AGBL1: variants seen among roughly 807,000 people sequenced by gnomAD.
AGBL1 encodes the protein cytosolic carboxypeptidase 4.
A neutral mutation model predicts 118.9 loss-of-function variants in AGBL1; 130 were observed. The ratio of observed to expected loss-of-function variants is 1.09; its 90% confidence interval spans 0.95 to 1.26. The LOEUF is 1.26. Ranked by LOEUF, AGBL1 falls within the 50% of genes most tolerant of loss-of-function variation. AGBL1 has a pLI of 0.00. For synonymous variants in AGBL1, 555 were observed against 478.9 expected, an observed-to-expected ratio of 1.16 and a Z score of -2.08; for missense variants, 1,584 against 1,298.1, an observed-to-expected ratio of 1.22 and a Z score of -3.38.
chr15:86,335,513 G>A (rs1230112228), intron 17 of AGBL1, among the ~76,000 whole-genome samples: 1 of 152,134 alleles, frequency 6.6e-6, no homozygotes, highest in Admixed American at 6.5e-5. Flanking sequence ...TAAATATATT[G>A]GCTAATAATT....
intron 23 of AGBL1, among the ~76,000 whole-genome samples, chr15:86,933,960 G>T (rs528592472): frequency 6.6e-6 from 1 of 152,108 alleles, no homozygotes; most frequent in Admixed American, 6.5e-5. Flanking sequence ...CAATTCTTCC[G>T]TCTAAAAATT....
In AGBL1 at chr15:86,999,453, T is replaced by C. The variant is rs531024782; in HGVS notation, c.3323+11365T>C. On this transcript the variant is annotated intron_variant, in intron 24 of 24. Transcript: ENST00000441037. The stretch of plus-strand genomic sequence containing the variant: ...GATCTCACTGTTCAGTTCCCACCTA[T>C]GAGTGAGAATATGCGGTGTTTGGTT... Among the ~76,000 whole-genome samples, 20 of 147,262 alleles carry C rather than the reference T, an allele frequency of 1.4e-4. No homozygotes were observed. In the South Asian group the frequency reaches 3.2e-3, roughly 24 times the overall value.
chr15:86,751,009 G>T lies in AGBL1; in HGVS notation c.3158+76573G>T, dbSNP rs559313971. Among the ~76,000 whole-genome samples, 153 of 152,148 alleles carry T rather than the reference G, an allele frequency of 1.0e-3. 1 individual carries two copies. Among genetic ancestry groups the T allele is most frequent in the African/African-American group, 3.6e-3 (150 of 41,526 alleles). ...GGCTGCATAGCATTCCATGGTGTAT[G>T]TGTACCACATTTTTTAAATACAGTC... is the stretch of plus-strand genomic sequence containing the variant. On this transcript the variant is annotated intron_variant, in intron 22 of 22. Coordinates refer to ENST00000614907, the MANE Select transcript of AGBL1 (RefSeq NM_001386094.1).
At chr15:86,319,254 G>C (rs1453125452) in intron 17 of AGBL1, among the ~76,000 whole-genome samples, 1 of 152,064 alleles carries the variant, frequency 6.6e-6, no homozygotes, top group Non-Finnish European at 1.5e-5. Context: ...ATACTGCACT[G>C]GTTTCTGAAG....
At chr15:87,012,192 T>TACAC (rs57985975) in intron 24 of AGBL1, among the ~76,000 whole-genome samples, 23,628 of 142,552 alleles carry the variant, frequency 0.17, 1,995 homozygotes, top group South Asian at 0.27. Context: ...TACAAATTTA[T>TACAC]ACACACACAC....
At chr15:86,834,841 A>G (rs1216848958) in intron 22 of AGBL1, among the ~76,000 whole-genome samples, 1 of 152,188 alleles carries the variant, frequency 6.6e-6, no homozygotes, top group African/African-American at 2.4e-5. Flanking sequence ...TGCACAAGCC[A>G]GAGGTGTGGG....
chr15:86,476,523 A>G (rs1235374581), intron 18 of AGBL1, among the ~76,000 whole-genome samples: 7 of 152,232 alleles, frequency 4.6e-5, no homozygotes, highest in Non-Finnish European at 5.9e-5. Context: ...TTCAACAAGA[A>G]GAGCTAACCA....
intron 22 of AGBL1, among the ~76,000 whole-genome samples, chr15:86,822,281 C>T (rs1423234086): frequency 2.0e-5 from 3 of 152,158 alleles, no homozygotes; most frequent in African/African-American, 7.2e-5. Flanking sequence ...CAATGACATA[C>T]CTCTATTATC....
chr15:86,280,880 T>C (rs770748835), intron 16 of AGBL1, among the ~76,000 whole-genome samples: 4 of 152,210 alleles, frequency 2.6e-5, no homozygotes, highest in Non-Finnish European at 4.4e-5. Context: ...GTTTTCCAGA[T>C]TGCAAAAAAT....
intron 24 of AGBL1, among the ~76,000 whole-genome samples, chr15:87,022,374 G>A (rs779658986): frequency 6.6e-6 from 1 of 152,054 alleles, no homozygotes; most frequent in Non-Finnish European, 1.5e-5. Flanking sequence ...AATCAGAGAC[G>A]TCTTTGAATT....
intron 22 of AGBL1, among the ~76,000 whole-genome samples, chr15:86,731,662 A>G (rs1433870955): frequency 6.6e-6 from 1 of 152,230 alleles, no homozygotes; most frequent in East Asian, 1.9e-4. Flanking sequence ...AGAGAGAGGA[A>G]GAAGCTATCA....
chr15:86,770,666 TAGG>T (rs2078163907), intron 22 of AGBL1, among the ~76,000 whole-genome samples: 1 of 151,674 alleles, frequency 6.6e-6, no homozygotes. Flanking sequence ...AAAGGACAAT[TAGG>T]AGTTTTCCAA....
chr15:86,616,693 C>T (rs1237030563), intron 21 of AGBL1, among the ~76,000 whole-genome samples: 1 of 152,180 alleles, frequency 6.6e-6, no homozygotes, highest in Non-Finnish European at 1.5e-5. Context: ...TTCACTCAGA[C>T]AAAATATTTG....
chr15:86,831,359 G>C (rs908438560), intron 22 of AGBL1, among the ~76,000 whole-genome samples: 3 of 152,158 alleles, frequency 2.0e-5, no homozygotes, highest in African/African-American at 7.2e-5. Context: ...TAACTCAAAA[G>C]TCCATAGTCC....
chr15:86,270,421 C>T lies in AGBL1; in HGVS notation c.1987+354C>T, dbSNP rs2079141081. On this transcript the variant is annotated intron_variant, in intron 14 of 22. Coordinates refer to ENST00000614907, the MANE Select transcript of AGBL1 (RefSeq NM_001386094.1). ...CTTTTTTTCCTGCAAGGTAGAGGAA[C>T]AACAAAATCCAATTGGACAACACTG... Among the ~76,000 whole-genome samples, 3 of 152,144 alleles carry T rather than the reference C, an allele frequency of 2.0e-5. No homozygotes were observed. In the South Asian group the frequency reaches 6.2e-4, roughly 31 times the overall value.
chr15:86,758,484 G>A (rs1199733355), intron 22 of AGBL1, among the ~76,000 whole-genome samples: 1 of 152,002 alleles, frequency 6.6e-6, no homozygotes, highest in Non-Finnish European at 1.5e-5. Context: ...TTCATTCACT[G>A]GATGATAAAC....
At chr15:87,004,662 T>C (rs891111368) in intron 24 of AGBL1, among the ~76,000 whole-genome samples, 1 of 152,212 alleles carries the variant, frequency 6.6e-6, no homozygotes, top group Admixed American at 6.5e-5. Context: ...TCTGTGTCTT[T>C]CAATTGGAGC....
chr15:87,008,126 G>A (rs1366848280), intron 24 of AGBL1, among the ~76,000 whole-genome samples: 1 of 152,188 alleles, frequency 6.6e-6, no homozygotes, highest in Non-Finnish European at 1.5e-5. Context: ...CTGTGGGAGT[G>A]CTTCCAGAAG....
At chr15:86,458,658 G>C (rs1422932827) in intron 18 of AGBL1, among the ~76,000 whole-genome samples, 1 of 152,134 alleles carries the variant, frequency 6.6e-6, no homozygotes. Context: ...TTGTATGTGA[G>C]CAATACATTT....
Sources: allele counts gnomAD v4.1 joint callset (sites outside exome capture counted in the v4.1 genomes callset), GRCh38; gene constraint gnomAD v4.1.1; transcripts MANE v1.5; gene names NCBI Gene and HGNC (gene_info 2026-07-23, HGNC 2026-07-21).